The following PLCE1 variants were observed in gnomAD, a reference collection of about 807,000 sequenced individuals.
The protein encoded by PLCE1 is phospholipase C epsilon 1.
PLCE1 carries 119 observed loss-of-function variants against 242.8 expected under a neutral mutation model. The observed-to-expected ratio is 0.49, with a 90% CI of 0.42 to 0.57. PLCE1 has a LOEUF of 0.57. Among genes scored for constraint, PLCE1 ranks in the 20% least tolerant of loss-of-function variants. The pLI is 0.00. For synonymous variants in PLCE1, 945 were observed against 1,017.4 expected (o/e 0.93, Z 1.35); for missense variants, 2,441 against 2,788.8 (o/e 0.88, Z 2.81).
rs539090556 is a variant in PLCE1, at chr10:94,283,882, G to A, written c.4888G>A (p.Ala1630Thr). Reference protein sequence around the residue: ...NEEIPKRIKKADNSACNKGKV... With the variant: ...NEEIPKRIKKTDNSACNKGKV... ...AGAAATCCCAAAGAGGATAAAGAAAGCAGATAACTCTGCTTGCAACAAAGG... is the reference window on the plus strand; with the variant it reads ...AGAAATCCCAAAGAGGATAAAGAAAACAGATAACTCTGCTTGCAACAAAGG... Residue 1630 changes from alanine to threonine, a missense_variant, in exon 21 of 33, where the codon GCA becomes ACA. By Grantham distance (58) the Ala-to-Thr change is moderately conservative (BLOSUM62 0). Around this residue, in one of 5 missense-constraint regions of PLCE1, gnomAD observed 1,004 missense variants for 1,322.7 expected, o/e 0.76. Transcript: ENST00000371380. 262 of 1,612,152 alleles carry A rather than the reference G, an allele frequency of 1.6e-4. 10 individuals are homozygous for A. The South Asian group carries it at 2.7e-3, about 17-fold the overall frequency.
chr10:94,083,272 A>T (rs2044705762), intron 2 of PLCE1, among the ~76,000 whole-genome samples: 1 of 152,218 alleles, frequency 6.6e-6, no homozygotes, highest in Non-Finnish European at 1.5e-5. Flanking sequence ...TATGTGAAAA[A>T]TACACTGCCT....
intron 2 of PLCE1, among the ~76,000 whole-genome samples, chr10:94,095,048 A>C (rs1453262462): frequency 6.6e-6 from 1 of 152,174 alleles, no homozygotes; most frequent in Non-Finnish European, 1.5e-5. Flanking sequence ...CCATTTTGGC[A>C]ACTGTTTAGC....
At chr10:94,129,311 T>C (rs1564714493) in intron 2 of PLCE1, among the ~76,000 whole-genome samples, 1 of 152,274 alleles carries the variant, frequency 6.6e-6, no homozygotes, top group Admixed American at 6.5e-5. Flanking sequence ...CTACAGGCTG[T>C]GTTCTTTAAA....
intron 3 of PLCE1, among the ~76,000 whole-genome samples, chr10:94,146,830 C>T (rs1001610135): frequency 1.2e-4 from 18 of 152,174 alleles, no homozygotes; most frequent in Admixed American, 1.2e-3. Flanking sequence ...GTGTTTTGAA[C>T]CTGTAATGTG....
At chr10:94,028,905 T>A (rs1449147876) in intron 1 of PLCE1, among the ~76,000 whole-genome samples, 1 of 152,066 alleles carries the variant, frequency 6.6e-6, no homozygotes, top group Non-Finnish European at 1.5e-5. Context: ...CTTTGATATT[T>A]CTCCTTTCAA....
intron 29 of PLCE1, 75 bp from the exon 30 acceptor site, chr10:94,321,826 G>C: frequency 8.9e-7 from 1 of 1,128,698 alleles, no homozygotes; most frequent in Admixed American, 1.9e-5. Context: ...TACAAGCTCA[G>C]ATTTTTGCTA....
chr10:94,203,405 A>G (rs2049043600), intron 4 of PLCE1, among the ~76,000 whole-genome samples: 1 of 152,228 alleles, frequency 6.6e-6, no homozygotes, highest in Non-Finnish European at 1.5e-5. Flanking sequence ...CTTTTACTTC[A>G]TATTCATGTT....
Position 94,325,119 on chromosome 10 carries a change from T to C in PLCE1, c.*24+15T>C. 1 of 1,547,464 alleles carries C rather than the reference T, an allele frequency of 6.5e-7. No homozygotes were observed. Among genetic ancestry groups the C allele is most frequent in the Non-Finnish European group, 8.9e-7 (1 of 1,119,354 alleles). On this transcript the variant is annotated intron_variant, in intron 32 of 32. Coordinates refer to ENST00000371380, the MANE Select transcript of PLCE1 (RefSeq NM_016341.4). ...GTTTAACCCAGGTATAGTAAGTCATTGCACCATCCTGGAACAGGGCTTAAC... is the reference window on the plus strand; with the variant it reads ...GTTTAACCCAGGTATAGTAAGTCATCGCACCATCCTGGAACAGGGCTTAAC...
intron 2 of PLCE1, among the ~76,000 whole-genome samples, chr10:94,076,956 T>A (rs2044521594): frequency 6.6e-6 from 1 of 152,226 alleles, no homozygotes. Context: ...AAACAGCACA[T>A]AAGTGGATAA....
At chr10:94,117,635 G>T (rs956869678) in intron 2 of PLCE1, among the ~76,000 whole-genome samples, 3 of 152,098 alleles carry the variant, frequency 2.0e-5, no homozygotes, top group Non-Finnish European at 2.9e-5. Context: ...GATCATGGTG[G>T]GTATAAAAGA....
At chr10:94,079,164 A>G (rs997133395) in intron 2 of PLCE1, among the ~76,000 whole-genome samples, 5 of 152,218 alleles carry the variant, frequency 3.3e-5, no homozygotes, top group African/African-American at 1.2e-4. Flanking sequence ...TCAAGGGGCT[A>G]CACTTGGACT....
intron 29 of PLCE1, among the ~76,000 whole-genome samples, chr10:94,319,852 C>CTCAAAGG (rs72517366): frequency 0.24 from 33,628 of 141,776 alleles, 4,333 homozygotes; most frequent in Middle Eastern, 0.41. Context: ...CTGAGGGAGG[C>CTCAAAGG]TCAAAGGTGC....
At chr10:94,197,779 T>C (rs1018583446) in intron 4 of PLCE1, among the ~76,000 whole-genome samples, 3 of 151,974 alleles carry the variant, frequency 2.0e-5, no homozygotes, top group African/African-American at 7.3e-5. Context: ...GGTCAGGAGT[T>C]CAAGACCAGC....
At chr10:94,136,756 G>A (rs746623106) in intron 3 of PLCE1, among the ~76,000 whole-genome samples, 1 of 152,148 alleles carries the variant, frequency 6.6e-6, no homozygotes, top group African/African-American at 2.4e-5. Flanking sequence ...AAAGCTGAAG[G>A]TTTGCCAAAT....
At chr10:94,254,766 G>A in intron 10 of PLCE1, 127 bp from the exon 11 acceptor site, 1 of 1,017,964 alleles carries the variant, frequency 9.8e-7, no homozygotes, top group South Asian at 1.3e-5. Flanking sequence ...TTTTGGTGCT[G>A]CTTGTATAGA....
At chr10:94,098,949 A>T (rs1479699900) in intron 2 of PLCE1, among the ~76,000 whole-genome samples, 1 of 152,186 alleles carries the variant, frequency 6.6e-6, no homozygotes, top group Admixed American at 6.5e-5. Flanking sequence ...GTATATTGAG[A>T]GCACAGCACG....
At chr10:94,219,287 A>C (rs1454049870) in intron 4 of PLCE1, among the ~76,000 whole-genome samples, 1 of 152,234 alleles carries the variant, frequency 6.6e-6, no homozygotes, top group Non-Finnish European at 1.5e-5. Flanking sequence ...AAATCTGTTC[A>C]AACAAAATAA....
chr10:94,015,166 A>G (rs2061254516), intron 1 of PLCE1, among the ~76,000 whole-genome samples: 1 of 152,238 alleles, frequency 6.6e-6, no homozygotes. Context: ...CGAGGTGCTC[A>G]GCACAGGTCA....
At chr10:94,123,169 C>T (rs747590599) in intron 2 of PLCE1, among the ~76,000 whole-genome samples, 4 of 152,042 alleles carry the variant, frequency 2.6e-5, no homozygotes, top group South Asian at 2.1e-4. Context: ...TATTTCTTGC[C>T]GGAACCCAGG....
Sources: allele counts gnomAD v4.1 joint callset (sites outside exome capture counted in the v4.1 genomes callset), GRCh38; gene constraint gnomAD v4.1.1; regional missense constraint gnomAD v4.1.1; transcripts MANE v1.5; gene names NCBI Gene and HGNC (gene_info 2026-07-23, HGNC 2026-07-21).